CSMD2: variants seen among roughly 807,000 people sequenced by gnomAD.
The protein encoded by CSMD2 is CUB and sushi domain-containing protein 2.
A neutral mutation model predicts 398.5 loss-of-function variants in CSMD2; 130 were observed. The observed-to-expected ratio is 0.33, with a 90% confidence interval of 0.28 to 0.38. The LOEUF is 0.38. CSMD2 is among the 10% of genes least tolerant of loss of function. The probability of loss-of-function intolerance (pLI) is 1.00; values close to 1 mark genes in which losing one functional copy is unlikely to be tolerated. For synonymous variants in CSMD2, 1,828 were observed against 1,908.5 expected, an observed-to-expected ratio of 0.96 and a Z score of 1.10; for missense variants, 3,829 against 4,764.9, an observed-to-expected ratio of 0.80 and a Z score of 5.78.
chr1:33,724,283 C>T lies in CSMD2; in HGVS notation c.2915G>A (p.Ser972Asn), dbSNP rs771304194. 23 of 1,614,050 alleles carry T rather than the reference C, an allele frequency of 1.4e-5. No individual in the cohort carries two copies. The South Asian group carries it at 2.5e-4, about 18-fold the overall frequency. Residue 972 changes from serine (S) to asparagine (N), a missense_variant, in exon 19 of 71, where the codon AGT (serine) becomes AAT (asparagine). By Grantham distance (46) the Ser-to-Asn change is conservative. Coordinates refer to ENST00000373381, the MANE Select transcript of CSMD2 (RefSeq NM_001281956.2). ...ALCGGFIQGS[S>N]GTILSPGFPD... is the part of the protein sequence containing the mutation. ...GAACCCTGGCGACAAGATGGTCCCA[C>T]TGGAGCCTTGAATGAAGCCACCACA...
chr1:34,032,646 G>A lies in CSMD2; in HGVS notation c.465C>T (p.Arg155=), dbSNP rs1650600974. Residue 155 remains arginine (R), a synonymous_variant, in exon 3 of 71, where the codon CGC becomes CGT. Coordinates refer to ENST00000373381, the MANE Select transcript of CSMD2 (RefSeq NM_001281956.2). ...CACTGACTGCATAGTCGCTGATGAG[G>A]CGCAGAGAGAGGGTGGTGGCTGCAC... The part of the protein sequence containing the change: ...IVSAATTLSL[R]LISDYAVSAQ... 2 of 1,603,152 alleles carry A rather than the reference G, an allele frequency of 1.2e-6. No homozygotes were observed.
Position 33,577,380 on chromosome 1 carries a change from G to T in CSMD2, c.7492C>A (p.Arg2498Ser). ...SIHFGCNAGYRLVGHSMAICT... is the reference protein window; with the variant it reads ...SIHFGCNAGYSLVGHSMAICT... Reference sequence around the variant, plus strand: ...ATGGCCATGCTGTGTCCCACCAGGCGGTAGCCGGCGTTGCAGCCAAAGTGG... The same window carrying T: ...ATGGCCATGCTGTGTCCCACCAGGCTGTAGCCGGCGTTGCAGCCAAAGTGG... Residue 2498 changes from arginine (R) to serine (S), a missense_variant, in exon 49 of 71, where the codon CGC becomes AGC. Physicochemically the swap from Arg to Ser is moderately radical, Grantham distance 110. This residue lies in a region of CSMD2 where 723 missense variants were observed against 758.6 expected (regional missense o/e 0.95). Coordinates refer to ENST00000373381, the MANE Select transcript of CSMD2 (RefSeq NM_001281956.2). The T allele has an allele frequency of 6.2e-7, 1 of 1,614,184 alleles. No individual in the cohort carries two copies. The highest frequency in any genetic ancestry group is 8.5e-7 in the Non-Finnish European group (1 of 1,180,020).
Position 33,698,892 on chromosome 1 carries a change from C to T in CSMD2, c.3786G>A (p.Lys1262=), listed in dbSNP as rs780802122. ...EDPGTPKFGY[K]VHDEGHFAGS... ...CTGCAAAATGACCTTCATCATGAAC[C>T]TTGTAGCCAAACTTGGGGGTTCCTG... The change falls in exon 24 of 71, where the codon AAG becomes AAA. Residue 1262 remains lysine (K), a synonymous_variant. Transcript: ENST00000373381. The T allele has an allele frequency of 5.6e-6, 9 of 1,614,040 alleles. No homozygotes were observed. Among genetic ancestry groups the T allele is most frequent in the Non-Finnish European group, 7.6e-6 (9 of 1,180,018 alleles).
chr1:33,738,073 G>T (rs1646939784), intron 15 of CSMD2, among the ~76,000 whole-genome samples: 1 of 152,032 alleles, frequency 6.6e-6, no homozygotes. Flanking sequence ...CGAGCCATTT[G>T]TAAGCTCTGG....
At chr1:34,036,265 C>T (rs1022459201) in intron 2 of CSMD2, among the ~76,000 whole-genome samples, 1 of 152,128 alleles carries the variant, frequency 6.6e-6, no homozygotes, top group Admixed American at 6.5e-5. Context: ...CCAAAATGTC[C>T]TACAATAATA....
chr1:33,612,571 A>G (rs1641080587), intron 40 of CSMD2, among the ~76,000 whole-genome samples: 1 of 152,182 alleles, frequency 6.6e-6, no homozygotes, highest in African/African-American at 2.4e-5. Context: ...AATATAGTTC[A>G]TTCATTTTAA....
At chr1:33,994,065 T>A (rs1012081045) in intron 3 of CSMD2, among the ~76,000 whole-genome samples, 1 of 152,024 alleles carries the variant, frequency 6.6e-6, no homozygotes, top group Non-Finnish European at 1.5e-5. Context: ...CCAGGATGTG[T>A]GAATTAGTGA....
chr1:34,096,471 G>C (rs2148396107), intron 1 of CSMD2, among the ~76,000 whole-genome samples: 1 of 150,602 alleles, frequency 6.6e-6, no homozygotes, highest in African/African-American at 2.5e-5. Flanking sequence ...AAGTCAAATT[G>C]TCCCTCTTTG....
At chr1:33,907,051 T>C (rs542037940) in intron 5 of CSMD2, among the ~76,000 whole-genome samples, 2 of 151,920 alleles carry the variant, frequency 1.3e-5, no homozygotes, top group African/African-American at 4.8e-5. Context: ...CCTTCTGGCA[T>C]TGGTAATTGG....
At chr1:33,926,903 T>C (rs1644144885) in intron 4 of CSMD2, among the ~76,000 whole-genome samples, 1 of 152,230 alleles carries the variant, frequency 6.6e-6, no homozygotes, top group Non-Finnish European at 1.5e-5. Flanking sequence ...ACTGACAAAT[T>C]TCAGGCAGGA....
intron 14 of CSMD2, among the ~76,000 whole-genome samples, chr1:33,742,288 A>G (rs1031510063): frequency 1.3e-5 from 2 of 152,238 alleles, no homozygotes; most frequent in African/African-American, 4.8e-5. Flanking sequence ...CTTCAGTCCA[A>G]CTGGACTCCA....
At chr1:33,627,968 A>G (rs918435277) in intron 32 of CSMD2, among the ~76,000 whole-genome samples, 3 of 152,224 alleles carry the variant, frequency 2.0e-5, no homozygotes, top group Admixed American at 2.0e-4. Flanking sequence ...ATCACTGGAC[A>G]TAAGAAAAAA....
At chr1:34,037,181 G>A (rs572122671) in intron 2 of CSMD2, among the ~76,000 whole-genome samples, 5 of 152,016 alleles carry the variant, frequency 3.3e-5, no homozygotes, top group South Asian at 4.2e-4. Context: ...TGGACAGTAC[G>A]CCAGTCCTCC....
intron 3 of CSMD2, among the ~76,000 whole-genome samples, chr1:33,942,847 G>A (rs191940256): frequency 1.2e-4 from 18 of 152,270 alleles, no homozygotes; most frequent in Non-Finnish European, 2.6e-4. Context: ...CAGCAAATGT[G>A]GCCTCTCTCC....
intron 13 of CSMD2, among the ~76,000 whole-genome samples, chr1:33,766,072 C>T (rs1002441152): frequency 6.6e-6 from 1 of 152,216 alleles, no homozygotes; most frequent in South Asian, 2.1e-4. Context: ...AGTCTGTCTC[C>T]AGACTGTGCT....
At chr1:33,531,514 A>C (rs1254288654) in intron 64 of CSMD2, among the ~76,000 whole-genome samples, 2 of 152,224 alleles carry the variant, frequency 1.3e-5, no homozygotes, top group African/African-American at 4.8e-5. Flanking sequence ...AAACATGTAC[A>C]TGTATGTTCA....
chr1:33,953,432 C>G (rs184768004), intron 3 of CSMD2, among the ~76,000 whole-genome samples: 1 of 152,346 alleles, frequency 6.6e-6, no homozygotes, highest in African/African-American at 2.4e-5. Flanking sequence ...GCAGCCTCAA[C>G]CTGTGCCAAC....
chr1:33,643,889 TGAAG>T (rs3078758), intron 29 of CSMD2, among the ~76,000 whole-genome samples: 47,605 of 142,458 alleles, frequency 0.33, 7,894 homozygotes, highest in African/African-American at 0.39. Flanking sequence ...AGTCTGGGAA[TGAAG>T]GAAGGAAGGA....
chr1:33,567,887 C>A, intron 52 of CSMD2, 46 bp from the exon 53 acceptor site: 1 of 1,536,480 alleles, frequency 6.5e-7, no homozygotes, highest in South Asian at 1.2e-5. Context: ...TCCCACAACT[C>A]ATTACTTTTC....
Sources: gnomAD v4.1 joint callset for allele counts (sites outside exome capture counted in the v4.1 genomes callset) on GRCh38, gnomAD v4.1.1 for gene constraint, gnomAD v4.1.1 regional missense constraint, MANE v1.5 for transcripts, NCBI Gene and HGNC (gene_info 2026-07-23, HGNC 2026-07-21) for gene names.